Variants in JARID2 observed in about 807,000 individuals in gnomAD.
JARID2 encodes protein Jumonji.
Under a neutral mutation model 125.6 loss-of-function variants are expected in JARID2, and 21 were observed. The ratio of observed to expected loss-of-function variants is 0.17; its 90% confidence interval spans 0.12 to 0.24. The LOEUF (loss-of-function observed/expected upper bound fraction) is 0.24, where lower values mean the gene tolerates loss of function less well. JARID2 is among the 10% of genes least tolerant of loss of function. The pLI is 1.00. For synonymous variants in JARID2, 736 were observed against 661.6 expected, an observed-to-expected ratio of 1.11 and a Z score of -1.73; for missense variants, 1,303 against 1,639.6, an observed-to-expected ratio of 0.79 and a Z score of 3.55.
chr6:15,283,827 T>A (rs918883450), intron 1 of JARID2, among the ~76,000 whole-genome samples: 1 of 151,912 alleles, frequency 6.6e-6, no homozygotes, highest in African/African-American at 2.4e-5. Flanking sequence ...TGCCTCAGCT[T>A]CCTGAGTAGC....
At chr6:15,412,247 A>AT (rs1020083748) in intron 3 of JARID2, among the ~76,000 whole-genome samples, 4 of 152,034 alleles carry the variant, frequency 2.6e-5, no homozygotes, top group Admixed American at 1.3e-4. Context: ...GGCACTCTTG[A>AT]TTATAGGAGG....
chr6:15,519,691 A>G (rs1409283574), intron 17 of JARID2, among the ~76,000 whole-genome samples: 3 of 152,222 alleles, frequency 2.0e-5, no homozygotes, highest in East Asian at 3.8e-4. Flanking sequence ...GCCGGTAGCT[A>G]AAGTGAGTCA....
intron 1 of JARID2, among the ~76,000 whole-genome samples, chr6:15,269,833 C>G (rs1395715646): frequency 6.6e-6 from 1 of 152,026 alleles, no homozygotes; most frequent in Non-Finnish European, 1.5e-5. Context: ...GATGGGATCC[C>G]CAGGAAGGAT....
chr6:15,478,857 A>T (rs905273521), intron 5 of JARID2, among the ~76,000 whole-genome samples: 1 of 151,698 alleles, frequency 6.6e-6, no homozygotes, highest in African/African-American at 2.4e-5. Context: ...TTTAGTAGAG[A>T]TGGGGTTTTT....
chr6:15,297,042 C>T (rs764925088), intron 1 of JARID2, among the ~76,000 whole-genome samples: 33 of 152,226 alleles, frequency 2.2e-4, no homozygotes, highest in Non-Finnish European at 4.4e-4. Flanking sequence ...TCTTTCCAGT[C>T]TGTCCTTGTC....
At chr6:15,280,584 A>T (rs1419464576) in intron 1 of JARID2, among the ~76,000 whole-genome samples, 1 of 151,410 alleles carries the variant, frequency 6.6e-6, no homozygotes, top group Non-Finnish European at 1.5e-5. Flanking sequence ...TTTCTTGTTA[A>T]CCACAAAATG....
chr6:15,390,976 C>T (rs956710537), intron 2 of JARID2, among the ~76,000 whole-genome samples: 27 of 152,114 alleles, frequency 1.8e-4, no homozygotes, highest in Admixed American at 1.6e-3. Context: ...GGTATTCTTA[C>T]GATGAATGCA....
chr6:15,266,394 T>C (rs146695015), intron 1 of JARID2, among the ~76,000 whole-genome samples: 64 of 152,356 alleles, frequency 4.2e-4, no homozygotes, highest in African/African-American at 1.4e-3. Flanking sequence ...TTCTCTTTCT[T>C]ACCTGCACCC....
intron 1 of JARID2, among the ~76,000 whole-genome samples, chr6:15,297,883 A>G (rs1237730238): frequency 6.6e-6 from 1 of 151,094 alleles, no homozygotes; most frequent in African/African-American, 2.4e-5. Flanking sequence ...AAATCAGCAT[A>G]TGTGTAGTAC....
At chr6:15,455,119 G>C (rs1306279589) in intron 4 of JARID2, among the ~76,000 whole-genome samples, 1 of 151,862 alleles carries the variant, frequency 6.6e-6, no homozygotes, top group Non-Finnish European at 1.5e-5. Context: ...CTTGACACCT[G>C]GAGTTTGAGG....
intron 2 of JARID2, among the ~76,000 whole-genome samples, chr6:15,387,458 C>T (rs1764829738): frequency 6.6e-6 from 1 of 152,204 alleles, no homozygotes; most frequent in Non-Finnish European, 1.5e-5. Context: ...GCTGGTTCCT[C>T]TGAGTCTTCC....
intron 4 of JARID2, among the ~76,000 whole-genome samples, chr6:15,463,435 TTTTTTTTTTTC>T (rs1768554732): frequency 2.8e-5 from 1 of 35,660 alleles, no homozygotes; most frequent in Admixed American, 2.9e-4. Flanking sequence ...CTTTTTTTTT[TTTTTTTTTTTC>T]CGAGGTGGAG....
chr6:15,365,223 G>A (rs188787891), intron 1 of JARID2, among the ~76,000 whole-genome samples: 430 of 152,158 alleles, frequency 2.8e-3, no homozygotes, highest in Non-Finnish European at 5.2e-3. Context: ...TGATTTCCTC[G>A]CCACCACTCC....
Position 15,498,016 on chromosome 6 carries a change from CAT to C in JARID2, c.1945+848_1945+849del, listed in dbSNP as rs141121380. The stretch of plus-strand genomic sequence containing the variant: ...GCCCATCCTACTGACCTCTTTCTAA[CAT>C]AATTACCCTTTTGAAGACCCTGTCT... On this transcript the variant is annotated intron_variant, in intron 7 of 17. Transcript: ENST00000341776. Among the ~76,000 whole-genome samples the C allele has an allele frequency of 4.7e-3, 715 of 152,330 alleles. 4 individuals are homozygous for C. Among genetic ancestry groups the C allele is most frequent in the African/African-American group, 0.016 (678 of 41,562 alleles).
intron 3 of JARID2, among the ~76,000 whole-genome samples, chr6:15,416,991 ATTTG>A (rs757164394): frequency 1.3e-4 from 20 of 151,828 alleles, no homozygotes; most frequent in African/African-American, 3.6e-4. Flanking sequence ...GGTGAGGATT[ATTTG>A]TTTGAGGAAT....
intron 2 of JARID2, among the ~76,000 whole-genome samples, chr6:15,383,203 G>A (rs1764656168): frequency 6.6e-6 from 1 of 151,280 alleles, no homozygotes; most frequent in Non-Finnish European, 1.5e-5. Context: ...GGTCTTGCAT[G>A]TTGCCCAGGC....
At chr6:15,508,529 A>G (rs1408003786) in intron 12 of JARID2, 75 bp downstream of exon 12, 7 of 828,334 alleles carry the variant, frequency 8.5e-6, no homozygotes, top group Non-Finnish European at 1.5e-5. Context: ...GCCTGTGGGT[A>G]ACTTCTTGTC....
At chr6:15,307,413 G>C (rs1761870838) in intron 1 of JARID2, among the ~76,000 whole-genome samples, 1 of 152,052 alleles carries the variant, frequency 6.6e-6, no homozygotes, top group African/African-American at 2.4e-5. Context: ...AGTAGAGATG[G>C]GGTTTTGCCA....
chr6:15,396,340 T>C (rs554486598), intron 2 of JARID2, among the ~76,000 whole-genome samples: 30 of 152,358 alleles, frequency 2.0e-4, no homozygotes, highest in African/African-American at 7.2e-4. Flanking sequence ...GTGTTGTCCT[T>C]ATTTCCGTTT....
Sources: gnomAD v4.1 joint callset for allele counts (sites outside exome capture counted in the v4.1 genomes callset) on GRCh38, gnomAD v4.1.1 for gene constraint, MANE v1.5 for transcripts, NCBI Gene and HGNC (gene_info 2026-07-23, HGNC 2026-07-21) for gene names.